Variants in FSTL4 observed in about 807,000 individuals in gnomAD.
FSTL4 encodes the protein follistatin-related protein 4.
FSTL4 carries 28 observed loss-of-function variants against 78.2 expected under a neutral mutation model. The ratio of observed to expected loss-of-function variants is 0.36; its 90% CI spans 0.27 to 0.49. The LOEUF (loss-of-function observed/expected upper bound fraction) is 0.49, where lower values mean the gene tolerates loss of function less well. FSTL4 is among the 20% of genes least tolerant of loss of function. The pLI is 0.98. For synonymous variants in FSTL4, 422 were observed against 440.5 expected (o/e 0.96, Z 0.53); for missense variants, 922 against 1,084.9 (o/e 0.85, Z 2.11).
At chr5:133,576,499 T>C (rs1489914928) in intron 2 of FSTL4, among the ~76,000 whole-genome samples, 1 of 152,188 alleles carries the variant, frequency 6.6e-6, no homozygotes. Context: ...TGACCAGATC[T>C]TCGTAGACAA....
Position 133,198,917 on chromosome 5 carries a change from C to G in FSTL4, c.*178G>C. On this transcript the variant is annotated 3_prime_UTR_variant, in exon 16 of 16. Coordinates refer to ENST00000265342, the MANE Select transcript of FSTL4 (RefSeq NM_015082.2). ...AAATCATACTTCCTAACGAAAAAAC[C>G]CCAATCTTGGTAGCAGCGCATACCT... The G allele has an allele frequency of 2.1e-6, 1 of 478,186 alleles. No homozygotes were observed. Among genetic ancestry groups the G allele is most frequent in the Non-Finnish European group, 3.7e-6 (1 of 271,524 alleles). 29.6% of individuals were successfully genotyped at this position (478,186 alleles called of 1,614,324 possible). A position where few individuals can be genotyped will look rare whatever the true frequency, so the allele number is the denominator to read the frequency against.
the FSTL4 span, among the ~76,000 whole-genome samples, chr5:133,801,008 G>A: frequency 1.6e-3 from 251 of 152,190 alleles, 1 homozygote; most frequent in African/African-American, 5.7e-3. Flanking sequence ...GCACCCGGGG[G>A]TCCTCGAAGT....
intron 3 of FSTL4, among the ~76,000 whole-genome samples, chr5:133,408,159 A>G (rs1361272599): frequency 1.3e-5 from 2 of 152,226 alleles, no homozygotes; most frequent in Non-Finnish European, 2.9e-5. Context: ...ACAAAGACGT[A>G]ACCCTCTAGC....
chr5:133,734,380 C>T, the FSTL4 span, among the ~76,000 whole-genome samples: 25 of 152,176 alleles, frequency 1.6e-4, no homozygotes, highest in East Asian at 5.8e-4. Context: ...GAGAAAAATG[C>T]CCACATTTTT....
At chr5:133,205,272 G>GTGT (rs1273418768) in intron 14 of FSTL4, among the ~76,000 whole-genome samples, 16 of 152,076 alleles carry the variant, frequency 1.1e-4, no homozygotes, top group Admixed American at 9.2e-4. Context: ...CAATTTGTTG[G>GTGT]TGTTATGAAT....
chr5:133,662,489 G>A, the FSTL4 span, among the ~76,000 whole-genome samples: 3 of 152,276 alleles, frequency 2.0e-5, no homozygotes, highest in Admixed American at 1.3e-4. Context: ...GGCATACACC[G>A]TGGAGGGAGG....
intron 6 of FSTL4, among the ~76,000 whole-genome samples, chr5:133,291,503 T>C (rs936302706): frequency 6.6e-6 from 1 of 152,168 alleles, no homozygotes; most frequent in African/African-American, 2.4e-5. Flanking sequence ...CTGTATGGCT[T>C]ACAAGGCCTA....
chr5:133,723,464 G>A, the FSTL4 span, among the ~76,000 whole-genome samples: 2 of 152,186 alleles, frequency 1.3e-5, no homozygotes, highest in African/African-American at 4.8e-5. Flanking sequence ...GGACATGGCA[G>A]TAGCCCAGGC....
intron 3 of FSTL4, among the ~76,000 whole-genome samples, chr5:133,509,476 C>T (rs1019173878): frequency 2.0e-5 from 3 of 152,150 alleles, no homozygotes; most frequent in Non-Finnish European, 1.5e-5. Context: ...CAGCCAGCAC[C>T]CAGAATACCC....
rs904662470 is a variant in FSTL4, at chr5:133,377,891, C to A, written c.409+22847G>T. 3.8e-4 allele frequency among the ~76,000 whole-genome samples: 57 copies of A among 151,438 alleles called. 1 individual carries two copies. Among genetic ancestry groups the A allele is most frequent in the African/African-American group, 1.2e-3 (50 of 40,924 alleles). The stretch of plus-strand genomic sequence containing the variant: ...GACAAAGAGAAAAATTTGAAAGCAG[C>A]AACAATTTTTTTTTTTACTCGTGTA... On this transcript the variant is annotated intron_variant, in intron 4 of 15. Coordinates refer to ENST00000265342, the MANE Select transcript of FSTL4 (RefSeq NM_015082.2).
chr5:133,537,997 C>T (rs1031524112), intron 3 of FSTL4, among the ~76,000 whole-genome samples: 1 of 152,040 alleles, frequency 6.6e-6, no homozygotes, highest in African/African-American at 2.4e-5. Flanking sequence ...GCGTATATTT[C>T]CTGAGGTCAA....
At position 133,440,965 on chromosome 5, in the gene FSTL4, T is replaced by A. The variant is rs1698179131; in HGVS notation, c.161-39979A>T. Among the ~76,000 whole-genome samples, 1 of 152,020 alleles carries A rather than the reference T, an allele frequency of 6.6e-6. No homozygotes were observed. The highest frequency in any genetic ancestry group is 2.4e-5 in the African/African-American group (1 of 41,374). On this transcript the variant is annotated intron_variant, in intron 3 of 15. Transcript: ENST00000265342. The surrounding 1 kb of genome is among the most constrained non-coding windows in gnomAD (Gnocchi z 4.1). ...ATAGTCAGAAAAAGGAAGAAAACAC[T>A]CCCGGTGTCAGGGCCTGCACAGCAC... is the stretch of plus-strand genomic sequence containing the variant.
intron 3 of FSTL4, among the ~76,000 whole-genome samples, chr5:133,437,998 C>T (rs541644174): frequency 9.2e-5 from 14 of 152,116 alleles, no homozygotes; most frequent in South Asian, 2.1e-4. Flanking sequence ...TGAATTGTAA[C>T]GTATTACTCT....
chr5:133,569,794 T>A (rs770022111), intron 2 of FSTL4, among the ~76,000 whole-genome samples: 2 of 152,212 alleles, frequency 1.3e-5, no homozygotes, highest in Non-Finnish European at 2.9e-5. Context: ...AATATACTTT[T>A]AAAAATATGC....
chr5:133,672,624 A>T, the FSTL4 span, among the ~76,000 whole-genome samples: 46 of 152,242 alleles, frequency 3.0e-4, 1 homozygote, highest in Non-Finnish European at 2.2e-4. Flanking sequence ...AATCAATGCA[A>T]TTGAGACAGC....
At chr5:133,691,585 G>A in the FSTL4 span, among the ~76,000 whole-genome samples, 1 of 152,088 alleles carries the variant, frequency 6.6e-6, no homozygotes, top group Non-Finnish European at 1.5e-5. Context: ...TCGAGGCTGA[G>A]TCACCACTGA....
At chr5:133,740,888 C>T in the FSTL4 span, among the ~76,000 whole-genome samples, 1 of 152,124 alleles carries the variant, frequency 6.6e-6, no homozygotes, top group Non-Finnish European at 1.5e-5. Context: ...TGGGCAGAAT[C>T]TGAATCCTAA....
the FSTL4 span, among the ~76,000 whole-genome samples, chr5:133,818,563 C>T: frequency 6.6e-6 from 1 of 152,092 alleles, no homozygotes; most frequent in African/African-American, 2.4e-5. Context: ...AATGATTCCC[C>T]ACCACAGAAA....
the FSTL4 span, among the ~76,000 whole-genome samples, chr5:133,742,621 C>T: frequency 3.3e-5 from 5 of 152,106 alleles, no homozygotes; most frequent in South Asian, 4.2e-4. Context: ...CCTCAGCTCT[C>T]GGAGGGCTGA....
Sources: gnomAD v4.1 joint callset for allele counts (sites outside exome capture counted in the v4.1 genomes callset) on GRCh38, gnomAD v4.1.1 for gene constraint, Gnocchi (gnomAD v3.1) non-coding constraint, MANE v1.5 for transcripts, NCBI Gene and HGNC (gene_info 2026-07-23, HGNC 2026-07-21) for gene names.